Variants in PRKN observed in about 807,000 individuals in gnomAD.
PRKN encodes the protein parkin RBR E3 ubiquitin protein ligase.
In PRKN, 56 loss-of-function variants were observed where a neutral mutation model predicts 59.5. That is an observed-to-expected ratio of 0.94 (90% CI 0.76 to 1.18). The LOEUF (loss-of-function observed/expected upper bound fraction) is 1.18, where lower values mean the gene tolerates loss of function less well. Among genes scored for constraint, PRKN ranks in the 50% most tolerant of loss-of-function variants. The pLI, the probability that PRKN is intolerant of heterozygous loss-of-function variation, is 0.00. For missense variants in PRKN, 657 were observed against 596.4 expected (o/e 1.10, Z -1.06); for synonymous variants, 250 against 222.1 (o/e 1.13, Z -1.12).
At chr6:162,646,341 T>C (rs1342483124) in intron 1 of PRKN, among the ~76,000 whole-genome samples, 1 of 152,076 alleles carries the variant, frequency 6.6e-6, no homozygotes, top group Non-Finnish European at 1.5e-5. Flanking sequence ...GGTGTAATCA[T>C]AGCTCACTGT....
chr6:162,009,980 A>G (rs1464725308), intron 5 of PRKN, among the ~76,000 whole-genome samples: 1 of 151,454 alleles, frequency 6.6e-6, no homozygotes, highest in Non-Finnish European at 1.5e-5. Flanking sequence ...TGTACTTGTA[A>G]AAGTTGTTTA....
chr6:162,693,678 C>T (rs1378511902), intron 1 of PRKN, among the ~76,000 whole-genome samples: 2 of 152,118 alleles, frequency 1.3e-5, no homozygotes, highest in Admixed American at 1.3e-4. Flanking sequence ...CACAAAGATC[C>T]TTCAAAATAT....
At chr6:162,167,238 G>T (rs1783030338) in intron 4 of PRKN, among the ~76,000 whole-genome samples, 1 of 152,174 alleles carries the variant, frequency 6.6e-6, no homozygotes, top group African/African-American at 2.4e-5. Flanking sequence ...TGCGATAGAG[G>T]TAAGAGATCT....
chr6:162,169,671 T>A (rs1783167948), intron 4 of PRKN, among the ~76,000 whole-genome samples: 1 of 152,232 alleles, frequency 6.6e-6, no homozygotes, highest in Admixed American at 6.5e-5. Context: ...CCAAAACTGT[T>A]CATCTACTAA....
intron 2 of PRKN, among the ~76,000 whole-genome samples, chr6:162,366,385 T>C (rs1016699979): frequency 6.6e-6 from 1 of 152,234 alleles, no homozygotes; most frequent in South Asian, 2.1e-4. Context: ...TATTATTATA[T>C]GTGGCATAAT....
At chr6:162,313,993 C>CA (rs1308289338) in intron 2 of PRKN, among the ~76,000 whole-genome samples, 1 of 152,082 alleles carries the variant, frequency 6.6e-6, no homozygotes, top group Non-Finnish European at 1.5e-5. Context: ...GCACAACTGA[C>CA]AAAAAGAGAA....
intron 7 of PRKN, among the ~76,000 whole-genome samples, chr6:161,740,893 G>A (rs1788157260): frequency 6.6e-6 from 1 of 152,214 alleles, no homozygotes; most frequent in Non-Finnish European, 1.5e-5. Flanking sequence ...CTGATCCAAG[G>A]AACAGGTGGG....
intron 3 of PRKN, among the ~76,000 whole-genome samples, chr6:162,223,480 A>T (rs1194903629): frequency 8.2e-6 from 1 of 121,344 alleles, no homozygotes; most frequent in East Asian, 4.0e-4. Context: ...ACTCCTAGAT[A>T]TGCTTGTAAA....
intron 1 of PRKN, among the ~76,000 whole-genome samples, chr6:162,613,301 G>GT (rs1256542477): frequency 2.0e-5 from 3 of 152,074 alleles, no homozygotes; most frequent in African/African-American, 4.8e-5. Context: ...AAGTAAACCT[G>GT]TTTTTTAGGG....
intron 7 of PRKN, among the ~76,000 whole-genome samples, chr6:161,689,044 C>T (rs1785671234): frequency 6.6e-6 from 1 of 152,164 alleles, no homozygotes; most frequent in African/African-American, 2.4e-5. Flanking sequence ...ATAATCTGTT[C>T]TCAGTCAAAG....
chr6:162,536,178 G>A (rs1419112177), intron 1 of PRKN, among the ~76,000 whole-genome samples: 1 of 152,116 alleles, frequency 6.6e-6, no homozygotes, highest in Non-Finnish European at 1.5e-5. Flanking sequence ...CAGTCATGCT[G>A]CTTTACTAAC....
rs75341114 is a variant in PRKN at position 162,199,624 on chromosome 6, T to C, written c.534+1507A>G. On this transcript the variant is annotated intron_variant, in intron 4 of 11. Coordinates refer to ENST00000366898, the MANE Select transcript of PRKN (RefSeq NM_004562.3). ...GTGGAAGCAACCCCTCTTGGGGACA[T>C]TGGGCCTGCAGCATGCTGCCCGGCA... Among the ~76,000 whole-genome samples the C allele has an allele frequency of 2.4e-4, 37 of 152,264 alleles. 1 individual carries two copies. The highest frequency in any genetic ancestry group is 7.2e-4 in the African/African-American group (30 of 41,562).
At chr6:162,683,982 G>T (rs1779871943) in intron 1 of PRKN, among the ~76,000 whole-genome samples, 1 of 152,012 alleles carries the variant, frequency 6.6e-6, no homozygotes, top group South Asian at 2.1e-4. Flanking sequence ...GAAGAAATAA[G>T]AATGCAATTC....
Position 161,499,842 on chromosome 6 carries a change from T to C in PRKN, c.1083+49012A>G, listed in dbSNP as rs1777892480. ...GAAAGACCCTTCAGAAGGTAGAATT[T>C]GGATGCCAAAATGCTATGATTTCTG... is the stretch of plus-strand genomic sequence containing the variant. On this transcript the variant is annotated intron_variant, in intron 9 of 11. Coordinates refer to ENST00000366898, the MANE Select transcript of PRKN (RefSeq NM_004562.3). The surrounding 1 kb of genome is among the most constrained non-coding windows in gnomAD (Gnocchi z 4.2). 6.6e-6 allele frequency among the ~76,000 whole-genome samples: 1 copy of C among 152,228 alleles called. No homozygotes were observed. Among genetic ancestry groups the C allele is most frequent in the South Asian group, 2.1e-4 (1 of 4,832 alleles).
intron 6 of PRKN, among the ~76,000 whole-genome samples, chr6:161,880,329 C>T (rs1424520861): frequency 2.6e-5 from 4 of 152,244 alleles, no homozygotes; most frequent in Admixed American, 6.5e-5. Context: ...GTCATCCTCA[C>T]ATAATTATAT....
rs186660065 is a variant in PRKN, at chr6:161,533,988, C to T, written c.1083+14866G>A. ...TCTGTGACTTCAGTGAACCCCCTTTCCACCTGTCCTCCTCGCCCTCACACT... is the reference window on the plus strand; with the variant it reads ...TCTGTGACTTCAGTGAACCCCCTTTTCACCTGTCCTCCTCGCCCTCACACT... On this transcript the variant is annotated intron_variant, in intron 9 of 11. Transcript: ENST00000366898. The surrounding 1 kb of genome is among the most constrained non-coding windows in gnomAD (Gnocchi z 4.1). Among the ~76,000 whole-genome samples, 3 of 152,196 alleles carry T rather than the reference C, an allele frequency of 2.0e-5. No individual in the cohort carries two copies. Among genetic ancestry groups the T allele is most frequent in the Admixed American group, 2.0e-4 (3 of 15,286 alleles).
chr6:161,687,722 C>G (rs1042333955), intron 7 of PRKN, among the ~76,000 whole-genome samples: 1 of 151,904 alleles, frequency 6.6e-6, no homozygotes. Flanking sequence ...TCTCAAAGTG[C>G]TGGGATTACA....
chr6:161,729,439 ATAT>A (rs1437462213), intron 7 of PRKN, among the ~76,000 whole-genome samples: 8 of 152,204 alleles, frequency 5.3e-5, no homozygotes, highest in Admixed American at 4.6e-4. Context: ...TTAAGTGAAG[ATAT>A]TATTACATTT....
At chr6:161,555,204 A>G (rs899307228) in intron 8 of PRKN, among the ~76,000 whole-genome samples, 3 of 151,990 alleles carry the variant, frequency 2.0e-5, no homozygotes, top group African/African-American at 7.3e-5. Context: ...TTTTAAGACA[A>G]TATCTATTAT....
Sources: gnomAD v4.1 joint callset for allele counts (sites outside exome capture counted in the v4.1 genomes callset) on GRCh38, gnomAD v4.1.1 for gene constraint, Gnocchi (gnomAD v3.1) non-coding constraint, MANE v1.5 for transcripts, NCBI Gene and HGNC (gene_info 2026-07-23, HGNC 2026-07-21) for gene names.